ADAMTS3: variants seen among roughly 807,000 people sequenced by gnomAD.
The protein encoded by ADAMTS3 is A disintegrin and metalloproteinase with thrombospondin motifs 3.
Under a neutral mutation model 129.0 loss-of-function variants are expected in ADAMTS3, and 73 were observed. The ratio of observed to expected loss-of-function variants is 0.57; its 90% confidence interval spans 0.47 to 0.69. The LOEUF is 0.69. ADAMTS3 is among the 30% of genes least tolerant of loss of function. ADAMTS3 has a pLI of 0.00. For missense variants in ADAMTS3, 1,457 were observed against 1,514.5 expected (o/e 0.96, Z 0.63); for synonymous variants, 477 against 510.8 (o/e 0.93, Z 0.89).
At chr4:72,315,155 C>T (rs1228649940) in intron 11 of ADAMTS3, among the ~76,000 whole-genome samples, 2 of 152,166 alleles carry the variant, frequency 1.3e-5, no homozygotes, top group African/African-American at 2.4e-5. Context: ...GAATGGCATG[C>T]CAGCAAGTCA....
At chr4:72,295,976 C>T (rs938163126) in intron 18 of ADAMTS3, among the ~76,000 whole-genome samples, 190 bp from the exon 19 acceptor site, 1 of 151,964 alleles carries the variant, frequency 6.6e-6, no homozygotes, top group African/African-American at 2.4e-5. Flanking sequence ...TTTACCTTTT[C>T]AGAGAATACG....
chr4:72,524,179 G>A (rs1720746482), intron 3 of ADAMTS3, among the ~76,000 whole-genome samples: 1 of 151,890 alleles, frequency 6.6e-6, no homozygotes, highest in African/African-American at 2.4e-5. Flanking sequence ...AGTCCTTTCA[G>A]GAATAACTAA....
At chr4:72,491,975 C>T (rs923864189) in intron 3 of ADAMTS3, among the ~76,000 whole-genome samples, 7 of 151,488 alleles carry the variant, frequency 4.6e-5, no homozygotes, top group Non-Finnish European at 8.9e-5. Context: ...TGTTTCTTCC[C>T]GACACAATTT....
chr4:72,445,923 C>T (rs7683738), intron 3 of ADAMTS3, among the ~76,000 whole-genome samples: 101,033 of 151,600 alleles, frequency 0.67, 33,831 homozygotes, highest in South Asian at 0.79. Flanking sequence ...CACAGGTGAA[C>T]TGAAATAAAC....
intron 4 of ADAMTS3, among the ~76,000 whole-genome samples, chr4:72,352,013 T>C (rs908367262): frequency 6.6e-6 from 1 of 151,142 alleles, no homozygotes; most frequent in Non-Finnish European, 1.5e-5. Flanking sequence ...CAAAAAAAAA[T>C]CATCTTGTGA....
intron 3 of ADAMTS3, among the ~76,000 whole-genome samples, chr4:72,542,465 C>T (rs1721359029): frequency 1.3e-5 from 2 of 152,134 alleles, no homozygotes; most frequent in African/African-American, 4.8e-5. Flanking sequence ...CGCCCGGCCC[C>T]TGTTATCATT....
rs1397974402 is a variant in ADAMTS3 at position 72,282,606 on chromosome 4, T to C, written c.*530A>G. On this transcript the variant is annotated 3_prime_UTR_variant, in exon 22 of 22. Coordinates refer to ENST00000286657, the MANE Select transcript of ADAMTS3 (RefSeq NM_014243.3). ...TCCAGAAATGTAATATAGTAAACAA[T>C]CATTTGAGAACACATCTCTTAAAAT... 6.6e-6 allele frequency: 1 copy of C among 152,648 alleles called. No homozygotes were observed. Among genetic ancestry groups the C allele is most frequent in the African/African-American group, 2.4e-5 (1 of 41,420 alleles). 9.5% of individuals were successfully genotyped at this position (152,648 alleles called of 1,614,324 possible).
intron 4 of ADAMTS3, among the ~76,000 whole-genome samples, chr4:72,368,185 AG>A (rs1203915243): frequency 6.6e-6 from 1 of 152,208 alleles, no homozygotes; most frequent in Non-Finnish European, 1.5e-5. Flanking sequence ...CCTTCGCTTA[AG>A]CTTTAATAAA....
rs999260977 is a variant in ADAMTS3, at chr4:72,404,862, A to C, written c.661+9953T>G. On this transcript the variant is annotated intron_variant, in intron 4 of 21. Transcript: ENST00000286657. ...CACACACACACACACACACACACAAAACACACAAAATAACTCGATTAAAGA... is the reference window on the plus strand; with the variant it reads ...CACACACACACACACACACACACAACACACACAAAATAACTCGATTAAAGA... 2.3e-3 allele frequency among the ~76,000 whole-genome samples: 345 copies of C among 148,678 alleles called. 3 individuals carry two copies. Among genetic ancestry groups the C allele is most frequent in the African/African-American group, 8.2e-3 (332 of 40,536 alleles).
At chr4:72,516,463 C>T (rs1453626746) in intron 3 of ADAMTS3, among the ~76,000 whole-genome samples, 1 of 152,110 alleles carries the variant, frequency 6.6e-6, no homozygotes, top group East Asian at 1.9e-4. Flanking sequence ...TCTTCCTAAC[C>T]ATGAGCATGG....
At chr4:72,431,301 A>G (rs750369928) in intron 3 of ADAMTS3, among the ~76,000 whole-genome samples, 17 of 152,010 alleles carry the variant, frequency 1.1e-4, no homozygotes, top group Non-Finnish European at 7.4e-5. Context: ...ATACGTGAGG[A>G]GCATGACAGA....
At chr4:72,308,262 A>C (rs1053531563) in intron 15 of ADAMTS3, among the ~76,000 whole-genome samples, 7 of 151,950 alleles carry the variant, frequency 4.6e-5, no homozygotes, top group African/African-American at 1.7e-4. Flanking sequence ...AAAGTACAAA[A>C]CATGGTAATT....
At chr4:72,386,050 C>A (rs1721438511) in intron 4 of ADAMTS3, among the ~76,000 whole-genome samples, 1 of 151,930 alleles carries the variant, frequency 6.6e-6, no homozygotes, top group Admixed American at 6.6e-5. Context: ...TTTCTGATTT[C>A]CAGCCATCAT....
chr4:72,550,424 T>C (rs146568438), intron 2 of ADAMTS3, among the ~76,000 whole-genome samples: 1 of 152,316 alleles, frequency 6.6e-6, no homozygotes, highest in African/African-American at 2.4e-5. Flanking sequence ...CATTTACTTG[T>C]GCAACATTTT....
At chr4:72,557,037 G>T in intron 2 of ADAMTS3, among the ~76,000 whole-genome samples, 1 of 151,722 alleles carries the variant, frequency 6.6e-6, no homozygotes, top group East Asian at 1.9e-4. Context: ...CTAAAAGACT[G>T]GAATTCTCTC....
intron 3 of ADAMTS3, among the ~76,000 whole-genome samples, chr4:72,424,707 T>C (rs1722528097): frequency 2.0e-5 from 3 of 150,204 alleles, no homozygotes; most frequent in Non-Finnish European, 3.0e-5. Context: ...GGAAAAAAAA[T>C]CACAGACTTC....
intron 3 of ADAMTS3, among the ~76,000 whole-genome samples, chr4:72,525,705 C>T (rs1720788464): frequency 6.6e-6 from 1 of 152,194 alleles, no homozygotes; most frequent in Non-Finnish European, 1.5e-5. Flanking sequence ...CTGAGCTATG[C>T]TTCTTGTTCA....
intron 3 of ADAMTS3, among the ~76,000 whole-genome samples, chr4:72,505,325 G>A (rs929505723): frequency 1.3e-5 from 2 of 152,064 alleles, no homozygotes; most frequent in African/African-American, 4.8e-5. Flanking sequence ...GATGGGTAAG[G>A]TCTTTTGTCT....
chr4:72,414,166 A>T (rs2109925110), intron 4 of ADAMTS3, among the ~76,000 whole-genome samples: 1 of 151,906 alleles, frequency 6.6e-6, no homozygotes, highest in Non-Finnish European at 1.5e-5. Context: ...TTTTCTCCCC[A>T]AAGGAAATTT....
Sources: allele counts gnomAD v4.1 joint callset (sites outside exome capture counted in the v4.1 genomes callset), GRCh38; gene constraint gnomAD v4.1.1; transcripts MANE v1.5; gene names NCBI Gene and HGNC (gene_info 2026-07-23, HGNC 2026-07-21).